WNT7B: variants seen among roughly 807,000 people sequenced by gnomAD.
WNT7B encodes the protein Wnt family member 7B, also known as protein Wnt-7b.
In WNT7B, 19 loss-of-function variants were observed where a neutral mutation model predicts 38.2. The ratio of observed to expected loss-of-function variants is 0.50; its 90% CI spans 0.35 to 0.73. The LOEUF (loss-of-function observed/expected upper bound fraction) is 0.73. Ranked by LOEUF, WNT7B falls within the 30% of genes least tolerant of loss-of-function variation. WNT7B has a pLI of 0.01. For missense variants in WNT7B, 423 were observed against 507.9 expected (o/e 0.83, Z 1.61); for synonymous variants, 243 against 209.3 (o/e 1.16, Z -1.39).
chr22:45,950,154 G>A lies in WNT7B; in HGVS notation c.72-8C>T, dbSNP rs571795705. 3 of 1,611,358 alleles carry A rather than the reference G, an allele frequency of 1.9e-6. No individual in the cohort carries two copies. In the South Asian group the frequency reaches 3.3e-5, roughly 18 times the overall value. On this transcript the variant is annotated splice_polypyrimidine_tract_variant and splice_region_variant and intron_variant, in intron 1 of 3. Transcript: ENST00000339464. ...ACCACGGATGACAGTGCTCTGTGGA[G>A]GGGAGGAGACAGAGGCCGTGAGACG...
At chr22:45,954,830 C>T in intron 1 of WNT7B, 1 of 881,082 alleles carries the variant, frequency 1.1e-6, no homozygotes, top group South Asian at 5.3e-5. Context: ...GGACCTCAGA[C>T]CTCACCTATG....
At chr22:45,972,321 TCC>T (rs1053816599) in intron 1 of WNT7B, 320 of 462,734 alleles carry the variant, frequency 6.9e-4, no homozygotes, top group Non-Finnish European at 1.0e-3. Context: ...CCCGCGGAGC[TCC>T]CCGATGCAGG....
chr22:45,943,086 T>G (rs1259703619), intron 2 of WNT7B, among the ~76,000 whole-genome samples: 1 of 151,926 alleles, frequency 6.6e-6, no homozygotes, highest in East Asian at 1.9e-4. Context: ...TGCACGTGTG[T>G]GCGTGTGTTT....
intron 2 of WNT7B, chr22:45,935,901 G>T: frequency 1.0e-6 from 1 of 985,330 alleles, no homozygotes; most frequent in Non-Finnish European, 1.2e-6. Context: ...CAGCACGGAT[G>T]CTCTGTTTGG....
Position 45,921,451 on chromosome 22 carries a change from C to A in WNT7B, c.*1405G>T, listed in dbSNP as rs1378517683. On this transcript the variant is annotated 3_prime_UTR_variant, in exon 4 of 4. Coordinates refer to ENST00000339464, the MANE Select transcript of WNT7B (RefSeq NM_058238.3). ...GCCACCCCGGGCATCCTGATGTGTT[C>A]TCCCAGGTCCAGAGCCCCAGGCTGG... 6.6e-6 allele frequency: 1 copy of A among 152,360 alleles called. No homozygotes were observed. The highest frequency in any genetic ancestry group is 1.5e-5 in the Non-Finnish European group (1 of 68,074). 9.4% of individuals were successfully genotyped at this position (152,360 alleles called of 1,614,324 possible). A position where few individuals can be genotyped will look rare whatever the true frequency, so the allele number is the denominator to read the frequency against.
intron 3 of WNT7B, among the ~76,000 whole-genome samples, chr22:45,928,655 T>TCCATCACTTGTGAGTCAC (rs1931176531): frequency 1.1e-5 from 1 of 94,232 alleles, no homozygotes; most frequent in African/African-American, 4.2e-5. Flanking sequence ...CTTCTGCCTT[T>TCCATCACTTGTGAGTCAC]CCATCACTTG....
chr22:45,928,404 G>C (rs73175051), intron 3 of WNT7B, among the ~76,000 whole-genome samples: 1 of 152,076 alleles, frequency 6.6e-6, no homozygotes, highest in Admixed American at 6.5e-5. Context: ...GCACAGGGTC[G>C]GGGCAGTGAG....
In WNT7B at chr22:45,954,574, G is replaced by C. The variant is rs371534256; in HGVS notation, c.72-4428C>G. On this transcript the variant is annotated intron_variant, in intron 1 of 3. Coordinates refer to ENST00000339464, the MANE Select transcript of WNT7B (RefSeq NM_058238.3). ...TTATCCGGGGTATGTGGGGCTGACA[G>C]AGCAGGGGGACTAGAGCCCCCAGCA... is the stretch of plus-strand genomic sequence containing the variant. 1.8e-5 allele frequency: 18 copies of C among 985,314 alleles called. No homozygotes were observed. The East Asian group carries it at 7.9e-4, about 43-fold the overall frequency. The allele number at this position is 985,314 out of a possible 1,614,324, so 61.0% of individuals were successfully genotyped here.
At chr22:45,931,514 C>G (rs1225652405) in intron 2 of WNT7B, 145 bp from the exon 3 acceptor site, 2 of 1,020,540 alleles carry the variant, frequency 2.0e-6, no homozygotes, top group African/African-American at 3.2e-5. Flanking sequence ...GTGCCTCTGA[C>G]TCACCAAAGC....
chr22:45,927,055 C>T, intron 3 of WNT7B: 2 of 985,422 alleles, frequency 2.0e-6, no homozygotes, highest in South Asian at 4.7e-5. Flanking sequence ...GAGGTGCCCT[C>T]AGCTGTCCGG....
rs1277967429 is a variant in WNT7B at position 45,921,935 on chromosome 22, A to AT, written c.*920dup. ...GCCACCACGCCCAGCTAATTTTTGT[A>AT]TTTTTAGTAGAGACAGGGTTTCACC... On this transcript the variant is annotated 3_prime_UTR_variant, in exon 4 of 4. Transcript: ENST00000339464. The AT allele has an allele frequency of 6.6e-6, 1 of 151,896 alleles. No individual in the cohort carries two copies. Among genetic ancestry groups the AT allele is most frequent in the Non-Finnish European group, 1.5e-5 (1 of 67,974 alleles). 9.4% of individuals were successfully genotyped at this position (151,896 alleles called of 1,614,324 possible).
Position 45,931,376 on chromosome 22 carries a change from G to C in WNT7B, c.299-7C>G. ...AAGGCAGCCTCACGGCTCCCTGCGGGGACAGACAGGTGCAGAAGGTGAGAC... is the reference window on the plus strand; with the variant it reads ...AAGGCAGCCTCACGGCTCCCTGCGGCGACAGACAGGTGCAGAAGGTGAGAC... On this transcript the variant is annotated splice_polypyrimidine_tract_variant and splice_region_variant and intron_variant, in intron 2 of 3. Transcript: ENST00000339464. The C allele has an allele frequency of 6.3e-7, 1 of 1,580,116 alleles. No individual in the cohort carries two copies. Among genetic ancestry groups the C allele is most frequent in the Admixed American group, 1.7e-5 (1 of 59,176 alleles).
At chr22:45,972,251 G>T in intron 1 of WNT7B, 1 of 634,250 alleles carries the variant, frequency 1.6e-6, no homozygotes, top group Non-Finnish European at 2.9e-6. Flanking sequence ...GGGCCGGCGT[G>T]CCTGGCGGGG....
chr22:45,931,346 A>G lies in WNT7B; in HGVS notation c.322T>C (p.Tyr108His). The G allele has an allele frequency of 6.3e-7, 1 of 1,592,340 alleles. No individual in the cohort carries two copies. Among genetic ancestry groups the G allele is most frequent in the Admixed American group, 1.7e-5 (1 of 59,788 alleles). ...GCCACGCCAGCCGCGGTGATGGCGTACGTGAAGGCAGCCTCACGGCTCCCT... is the reference window on the plus strand; with the variant it reads ...GCCACGCCAGCCGCGGTGATGGCGTGCGTGAAGGCAGCCTCACGGCTCCCT... ...RVGSREAAFTYAITAAGVAHA... is the reference protein window; with the variant it reads ...RVGSREAAFTHAITAAGVAHA... The change falls in exon 3 of 4, where the codon TAC becomes CAC. Residue 108 changes from tyrosine to histidine, a missense_variant. Physicochemically the swap from Tyr to His is moderately conservative, Grantham distance 83 (BLOSUM62 2). Around this residue, in one of 3 missense-constraint regions of WNT7B, gnomAD observed 133 missense variants for 179.8 expected, o/e 0.74. Coordinates refer to ENST00000339464, the MANE Select transcript of WNT7B (RefSeq NM_058238.3).
At chr22:45,930,166 C>T (rs1391917748) in intron 3 of WNT7B, among the ~76,000 whole-genome samples, 2 of 152,260 alleles carry the variant, frequency 1.3e-5, no homozygotes, top group Non-Finnish European at 2.9e-5. Flanking sequence ...GTGACCCCTG[C>T]ACCCCTCATG....
At chr22:45,932,076 AG>A (rs1276555885) in intron 2 of WNT7B, among the ~76,000 whole-genome samples, 1 of 152,082 alleles carries the variant, frequency 6.6e-6, no homozygotes, top group Non-Finnish European at 1.5e-5. Context: ...CTTGGGCAGC[AG>A]TCCTCCCTGC....
chr22:45,929,829 C>T (rs1931263310), intron 3 of WNT7B, among the ~76,000 whole-genome samples: 1 of 151,536 alleles, frequency 6.6e-6, no homozygotes, highest in Admixed American at 6.6e-5. Flanking sequence ...TCTTCCCATG[C>T]ACTCTTCTAT....
chr22:45,973,901 G>T (rs1452029345), intron 1 of WNT7B, among the ~76,000 whole-genome samples: 1 of 151,864 alleles, frequency 6.6e-6, no homozygotes, highest in African/African-American at 2.4e-5. Context: ...GGCCCCCCGT[G>T]TAATTAAACA....
chr22:45,968,947 C>T (rs1932369356), intron 1 of WNT7B, among the ~76,000 whole-genome samples: 1 of 152,222 alleles, frequency 6.6e-6, no homozygotes, highest in Non-Finnish European at 1.5e-5. Context: ...CACAGCAGAG[C>T]CCCTCCCAGA....
Sources: allele counts gnomAD v4.1 joint callset (sites outside exome capture counted in the v4.1 genomes callset), GRCh38; gene constraint gnomAD v4.1.1; regional missense constraint gnomAD v4.1.1; transcripts MANE v1.5; gene names NCBI Gene and HGNC (gene_info 2026-07-23, HGNC 2026-07-21).